The following RMND5B variants were observed in gnomAD, a reference collection of about 807,000 sequenced individuals.
RMND5B encodes required for meiotic nuclear division 5 homolog B.
Under a neutral mutation model 50.4 loss-of-function variants are expected in RMND5B, and 42 were observed. That is an observed-to-expected ratio of 0.83 (90% confidence interval 0.65 to 1.08). RMND5B has a LOEUF of 1.08. Ranked by LOEUF, RMND5B falls within the 50% of genes least tolerant of loss-of-function variation. The pLI is 0.00. For synonymous variants in RMND5B, 220 were observed against 210.0 expected (o/e 1.05, Z -0.41); for missense variants, 463 against 508.5 (o/e 0.91, Z 0.86).
intron 7 of RMND5B, among the ~76,000 whole-genome samples, chr5:178,144,367 A>C (rs879429002): frequency 6.7e-6 from 1 of 148,460 alleles, no homozygotes; most frequent in Non-Finnish European, 1.5e-5. Flanking sequence ...GCCACACCAC[A>C]CTCATTTAGA....
Position 178,149,965 on chromosome 5 carries a change from TA to T in RMND5B, c.*1937del. On this transcript the variant is annotated 3_prime_UTR_variant, in exon 11 of 11. Transcript: ENST00000313386. ...TGTTCTGTTCGGTCCATGTTCTATT[TA>T]AAAGCATCTTGAATTGGTTGCCATC... 17 of 1,026,622 alleles carry T rather than the reference TA, an allele frequency of 1.7e-5. No individual in the cohort carries two copies. The South Asian group carries it at 2.7e-4, about 16-fold the overall frequency. The allele number at this position is 1,026,622 out of a possible 1,614,324, so 63.6% of individuals were successfully genotyped here. A position where few individuals can be genotyped will look rare whatever the true frequency, so the allele number is the denominator to read the frequency against.
intron 3 of RMND5B, among the ~76,000 whole-genome samples, chr5:178,141,063 C>T (rs372158478): frequency 6.6e-6 from 1 of 152,174 alleles, no homozygotes; most frequent in Non-Finnish European, 1.5e-5. Flanking sequence ...TCACTTCACA[C>T]TCATATTCTT....
intron 2 of RMND5B, among the ~76,000 whole-genome samples, chr5:178,134,004 C>T (rs984249132): frequency 1.3e-5 from 2 of 152,354 alleles, no homozygotes; most frequent in Middle Eastern, 3.4e-3. Context: ...TGAGCCACCG[C>T]GCCCTGCCCC....
At chr5:178,144,372 T>C (rs899472080) in intron 7 of RMND5B, among the ~76,000 whole-genome samples, 1 of 152,010 alleles carries the variant, frequency 6.6e-6, no homozygotes, top group African/African-American at 2.4e-5. Context: ...ACCACACTCA[T>C]TTAGAGCATG....
intron 8 of RMND5B, 23 bp from the exon 9 acceptor site, chr5:178,147,509 CT>C: frequency 6.2e-7 from 1 of 1,605,458 alleles, no homozygotes; most frequent in Non-Finnish European, 8.5e-7. Context: ...CTGAGCCACT[CT>C]AGCCCCTGTT....
intron 5 of RMND5B, 129 bp from the exon 6 acceptor site, chr5:178,143,498 A>AC: frequency 2.8e-6 from 2 of 724,010 alleles, no homozygotes; most frequent in Admixed American, 4.6e-5. Flanking sequence ...CTGGCAGGAG[A>AC]CCAAGCTCCT....
rs999534496 is a variant in RMND5B at position 178,150,141 on chromosome 5, G to A, written c.*2109G>A. 10 of 302,732 alleles carry A rather than the reference G, an allele frequency of 3.3e-5. No homozygotes were observed. Among genetic ancestry groups the A allele is most frequent in the Admixed American group, 1.4e-4 (3 of 20,760 alleles). The allele number at this position is 302,732 out of a possible 1,614,324, so 18.8% of individuals were successfully genotyped here. On this transcript the variant is annotated 3_prime_UTR_variant, in exon 11 of 11. Coordinates refer to ENST00000313386, the MANE Select transcript of RMND5B (RefSeq NM_022762.5). Reference sequence around the variant, plus strand: ...GTGCCTCAGATCTGGCCCCTGTTACGTAAGATAAGGACAGCTACAGGTCCC... The same window carrying A: ...GTGCCTCAGATCTGGCCCCTGTTACATAAGATAAGGACAGCTACAGGTCCC...
chr5:178,135,417 C>T (rs1331335307), intron 2 of RMND5B: 1 of 157,082 alleles, frequency 6.4e-6, no homozygotes, highest in East Asian at 1.9e-4. Context: ...GCCACTGCTC[C>T]CAGCCTATAT....
At position 178,137,989 on chromosome 5, in the gene RMND5B, CAT is replaced by C. The variant is rs1758705226; in HGVS notation, c.-12-115_-12-114del. The C allele has an allele frequency of 7.6e-6, 7 of 918,036 alleles. No homozygotes were observed. Among genetic ancestry groups the C allele is most frequent in the Non-Finnish European group, 1.1e-5 (7 of 614,092 alleles). 56.9% of individuals were successfully genotyped at this position (918,036 alleles called of 1,614,324 possible). A position where few individuals can be genotyped will look rare whatever the true frequency, so the allele number is the denominator to read the frequency against. ...TACATATATACATATATGTACAAAACATATAACATTGATACATGATGTGGGAA... is the reference window on the plus strand; with the variant it reads ...TACATATATACATATATGTACAAAACATAACATTGATACATGATGTGGGAA... On this transcript the variant is annotated intron_variant, in intron 2 of 10. Coordinates refer to ENST00000313386, the MANE Select transcript of RMND5B (RefSeq NM_022762.5). The surrounding 1 kb of genome is among the most constrained non-coding windows in gnomAD (Gnocchi z 4.4).
Position 178,138,004 on chromosome 5 carries a change from C to T in RMND5B, c.-12-104C>T, listed in dbSNP as rs1758706021. 2.0e-6 allele frequency: 2 copies of T among 1,001,698 alleles called. No homozygotes were observed. Among genetic ancestry groups the T allele is most frequent in the Admixed American group, 5.6e-5 (2 of 35,516 alleles). 62.1% of individuals were successfully genotyped at this position (1,001,698 alleles called of 1,614,324 possible). ...ATGTACAAAACATATAACATTGATA[C>T]ATGATGTGGGAATGGTGAGAGGGAT... On this transcript the variant is annotated intron_variant, in intron 2 of 10. Transcript: ENST00000313386. This position sits in a 1 kb window ranked among gnomAD's most constrained non-coding sequence, Gnocchi z 5.1.
chr5:178,142,809 A>G (rs199928639), intron 4 of RMND5B, 43 bp from the exon 5 acceptor site: 67 of 1,614,270 alleles, frequency 4.2e-5, no homozygotes, highest in Non-Finnish European at 3.4e-6. Context: ...AGAGCCAGCA[A>G]GAGTGCCCGC....
At chr5:178,145,744 G>C (rs35027513) in intron 7 of RMND5B, among the ~76,000 whole-genome samples, 31,914 of 152,148 alleles carry the variant, frequency 0.21, 3,604 homozygotes, top group East Asian at 0.29. Flanking sequence ...ACTGCTGCCT[G>C]TTGAAAGCTC....
chr5:178,144,146 TG>T (rs1755851051), intron 7 of RMND5B, 38 bp downstream of exon 7: 2 of 1,599,188 alleles, frequency 1.3e-6, no homozygotes, highest in Admixed American at 3.4e-5. Flanking sequence ...CTGCCTGGCC[TG>T]ACACATGTCT....
intron 2 of RMND5B, among the ~76,000 whole-genome samples, chr5:178,132,392 G>GTAC (rs1435790184): frequency 2.0e-5 from 3 of 152,134 alleles, no homozygotes; most frequent in Non-Finnish European, 4.4e-5. Context: ...AATGAGCCAA[G>GTAC]ATCGTGCCAC....
In RMND5B at chr5:178,149,949, C is replaced by G; in HGVS notation, c.*1917C>G. 2 of 1,187,462 alleles carry G rather than the reference C, an allele frequency of 1.7e-6. No individual in the cohort carries two copies. The highest frequency in any genetic ancestry group is 2.4e-6 in the Non-Finnish European group (2 of 826,760). The allele number at this position is 1,187,462 out of a possible 1,614,324, so 73.6% of individuals were successfully genotyped here. ...ATCTGGCCCACAACCATGTTCTGTT[C>G]GGTCCATGTTCTATTTAAAAGCATC... is the stretch of plus-strand genomic sequence containing the variant. On this transcript the variant is annotated 3_prime_UTR_variant, in exon 11 of 11. Coordinates refer to ENST00000313386, the MANE Select transcript of RMND5B (RefSeq NM_022762.5).
chr5:178,141,814 CAA>C (rs778973090), intron 3 of RMND5B: 17 of 152,224 alleles, frequency 1.1e-4, no homozygotes, highest in Non-Finnish European at 1.9e-4. Flanking sequence ...TCATCACCCC[CAA>C]AAGAAACCTA....
rs201796710 is a variant in RMND5B, at chr5:178,142,870, T to C, written c.304T>C (p.Cys102Arg). The change falls in exon 5 of 11, where the codon TGT becomes CGT. Residue 102 changes from cysteine (C) to arginine (R), a missense_variant. Transcript: ENST00000313386. The stretch of plus-strand genomic sequence containing the variant: ...TCGTCAGAACTTCGACTCTGAGATC[T>C]GTGGTGTTGTGTCAGATGCGGTGTG... ...AIDRNFDSEI[C>R]GVVSDAVWDA... The C allele has an allele frequency of 6.2e-7, 1 of 1,614,230 alleles. No individual in the cohort carries two copies. Among genetic ancestry groups the C allele is most frequent in the East Asian group, 2.2e-5 (1 of 44,886 alleles).
chr5:178,138,449 CTGAGA>C lies in RMND5B; in HGVS notation c.139+195_139+199del. Reference sequence around the variant, plus strand: ...AAAGCCCAACAAATTATTAATTTACCTGAGATGATTCCCATTTACATTTTGTTTTC... The same window carrying C: ...AAAGCCCAACAAATTATTAATTTACCTGATTCCCATTTACATTTTGTTTTC... On this transcript the variant is annotated intron_variant, in intron 3 of 10. Transcript: ENST00000313386. The surrounding 1 kb of genome is among the most constrained non-coding windows in gnomAD (Gnocchi z 5.1). 7.4e-7 allele frequency: 1 copy of C among 1,349,026 alleles called. No homozygotes were observed. The highest frequency in any genetic ancestry group is 9.6e-7 in the Non-Finnish European group (1 of 1,041,770). The allele number at this position is 1,349,026 out of a possible 1,614,324, so 83.6% of individuals were successfully genotyped here.
At chr5:178,131,997 G>A (rs1358795327) in intron 2 of RMND5B, among the ~76,000 whole-genome samples, 1 of 152,168 alleles carries the variant, frequency 6.6e-6, no homozygotes, top group Non-Finnish European at 1.5e-5. Flanking sequence ...GGTAGAGAGT[G>A]GATGGAGGTC....
Sources: gnomAD v4.1 joint callset for allele counts (sites outside exome capture counted in the v4.1 genomes callset) on GRCh38, gnomAD v4.1.1 for gene constraint, Gnocchi (gnomAD v3.1) non-coding constraint, MANE v1.5 for transcripts, NCBI Gene and HGNC (gene_info 2026-07-23, HGNC 2026-07-21) for gene names.